Variants in GALNT13 observed in about 807,000 individuals in gnomAD.
The protein encoded by GALNT13 is polypeptide N-acetylgalactosaminyltransferase 13.
A neutral mutation model predicts 64.2 loss-of-function variants in GALNT13; 28 were observed. The observed-to-expected ratio is 0.44, with a 90% CI of 0.32 to 0.60. The LOEUF (loss-of-function observed/expected upper bound fraction) is 0.60. Among genes scored for constraint, GALNT13 ranks in the 20% least tolerant of loss-of-function variants. The pLI, the probability that GALNT13 is intolerant of heterozygous loss-of-function variation, is 0.05. For synonymous variants in GALNT13, 214 were observed against 224.6 expected, an observed-to-expected ratio of 0.95 and a Z score of 0.42; for missense variants, 577 against 669.8, an observed-to-expected ratio of 0.86 and a Z score of 1.53.
chr2:153,216,430 T>C, the GALNT13 span, among the ~76,000 whole-genome samples: 1 of 152,010 alleles, frequency 6.6e-6, no homozygotes, highest in Non-Finnish European at 1.5e-5. Context: ...AATCAGCCAG[T>C]ATTTGTGACT....
At chr2:153,696,800 T>C in the GALNT13 span, among the ~76,000 whole-genome samples, 1 of 152,202 alleles carries the variant, frequency 6.6e-6, no homozygotes, top group Non-Finnish European at 1.5e-5. Context: ...GTAGCCTACA[T>C]AGGGAACTAT....
chr2:153,115,551 G>A, the GALNT13 span, among the ~76,000 whole-genome samples: 211 of 152,168 alleles, frequency 1.4e-3, no homozygotes, highest in Admixed American at 4.8e-3. Context: ...TTCCTTTAGC[G>A]CACAAGGGAG....
intron 3 of GALNT13, among the ~76,000 whole-genome samples, chr2:153,955,304 A>G (rs1692484665): frequency 6.6e-6 from 1 of 152,206 alleles, no homozygotes; most frequent in South Asian, 2.1e-4. Context: ...TACAAAACAG[A>G]AAGTGGTACC....
chr2:154,352,344 GT>G (rs768877320), intron 9 of GALNT13, among the ~76,000 whole-genome samples: 2 of 152,140 alleles, frequency 1.3e-5, no homozygotes, highest in African/African-American at 4.8e-5. Context: ...GCCAAGACTG[GT>G]TTCCCCCAAA....
At chr2:154,345,209 A>C (rs1696003146) in intron 9 of GALNT13, among the ~76,000 whole-genome samples, 1 of 152,058 alleles carries the variant, frequency 6.6e-6, no homozygotes, top group Non-Finnish European at 1.5e-5. Context: ...TGCCACTGCT[A>C]TTCTTTCTTG....
intron 3 of GALNT13, among the ~76,000 whole-genome samples, chr2:154,002,372 C>T (rs1695970817): frequency 6.6e-6 from 1 of 151,486 alleles, no homozygotes; most frequent in Non-Finnish European, 1.5e-5. Context: ...TTTTCCTCTT[C>T]TCATTGGATA....
At chr2:153,831,531 C>T in the GALNT13 span, among the ~76,000 whole-genome samples, 3 of 152,068 alleles carry the variant, frequency 2.0e-5, no homozygotes, top group African/African-American at 7.2e-5. Flanking sequence ...TGCAGATTTC[C>T]GAACCCTCAC....
intron 3 of GALNT13, among the ~76,000 whole-genome samples, chr2:154,048,271 G>A (rs1395539941): frequency 1.3e-5 from 2 of 152,124 alleles, no homozygotes; most frequent in African/African-American, 2.4e-5. Context: ...CTCCCACGGG[G>A]TTTAGGTGGG....
chr2:153,882,516 A>G (rs1686852771), intron 1 of GALNT13, among the ~76,000 whole-genome samples: 1 of 152,156 alleles, frequency 6.6e-6, no homozygotes, highest in African/African-American at 2.4e-5. Context: ...TTTGGCACTT[A>G]CAGTCTTTAA....
chr2:153,520,008 A>G, the GALNT13 span, among the ~76,000 whole-genome samples: 2 of 152,184 alleles, frequency 1.3e-5, no homozygotes, highest in Non-Finnish European at 2.9e-5. Flanking sequence ...GATGTGGTCC[A>G]TCTTTAATCT....
the GALNT13 span, among the ~76,000 whole-genome samples, chr2:153,532,272 C>T: frequency 2.0e-5 from 3 of 152,126 alleles, no homozygotes; most frequent in Admixed American, 6.5e-5. Context: ...AGGCTTAACA[C>T]CACATGGAAG....
chr2:154,277,993 T>A (rs960778627), intron 8 of GALNT13, among the ~76,000 whole-genome samples: 1 of 152,166 alleles, frequency 6.6e-6, no homozygotes, highest in African/African-American at 2.4e-5. Context: ...TTTGGCAACA[T>A]TTTCCCACTT....
chr2:153,403,791 G>A, the GALNT13 span, among the ~76,000 whole-genome samples: 127 of 152,198 alleles, frequency 8.3e-4, no homozygotes, highest in Non-Finnish European at 1.6e-3. Flanking sequence ...TTCGGCTCGT[G>A]CACGGTGTGC....
the GALNT13 span, among the ~76,000 whole-genome samples, chr2:153,567,304 G>C: frequency 6.6e-6 from 1 of 152,188 alleles, no homozygotes; most frequent in Non-Finnish European, 1.5e-5. Context: ...CACTGAAGTT[G>C]GAATGCTCTT....
intron 8 of GALNT13, among the ~76,000 whole-genome samples, chr2:154,280,913 A>C (rs990495252): frequency 6.6e-6 from 1 of 152,212 alleles, no homozygotes; most frequent in Non-Finnish European, 1.5e-5. Context: ...CAGTTTTCAA[A>C]TTTACATCCA....
the GALNT13 span, among the ~76,000 whole-genome samples, chr2:153,811,252 T>A: frequency 6.6e-6 from 1 of 152,188 alleles, no homozygotes; most frequent in Non-Finnish European, 1.5e-5. Flanking sequence ...CTTTACCATA[T>A]TGTTGGACAA....
intron 3 of GALNT13, among the ~76,000 whole-genome samples, chr2:154,032,864 CTT>C (rs70981694): frequency 1.1e-4 from 12 of 110,096 alleles, no homozygotes; most frequent in African/African-American, 3.5e-4. Context: ...CCTACATTTC[CTT>C]TTTTTTTTTT....
At chr2:154,447,031 A>G (rs561774929) in intron 12 of GALNT13, among the ~76,000 whole-genome samples, 2 of 151,678 alleles carry the variant, frequency 1.3e-5, no homozygotes, top group South Asian at 2.1e-4. Flanking sequence ...ATACTTGATG[A>G]ACGATATTAT....
intron 9 of GALNT13, among the ~76,000 whole-genome samples, chr2:154,395,055 G>T (rs1486173339): frequency 6.6e-6 from 1 of 152,114 alleles, no homozygotes. Context: ...TTGTTACTTG[G>T]TTGGGATAGA....
Sources: gnomAD v4.1 joint callset for allele counts (sites outside exome capture counted in the v4.1 genomes callset) on GRCh38, gnomAD v4.1.1 for gene constraint, MANE v1.5 for transcripts, NCBI Gene and HGNC (gene_info 2026-07-23, HGNC 2026-07-21) for gene names.